SLC39A12: variants seen among roughly 807,000 people sequenced by gnomAD.
The protein encoded by SLC39A12 is solute carrier family 39 member 12.
SLC39A12 carries 63 observed loss-of-function variants against 71.1 expected under a neutral mutation model. The observed-to-expected ratio is 0.89, with a 90% CI of 0.72 to 1.09. SLC39A12 has a LOEUF of 1.09. SLC39A12 is among the 50% of genes least tolerant of loss of function. The pLI, the probability that SLC39A12 is intolerant of heterozygous loss-of-function variation, is 0.00. For synonymous variants in SLC39A12, 351 were observed against 301.3 expected (o/e 1.16, Z -1.71); for missense variants, 892 against 812.6 (o/e 1.10, Z -1.19).
intron 12 of SLC39A12, among the ~76,000 whole-genome samples, chr10:18,020,739 C>A (rs960840487): frequency 6.6e-6 from 1 of 152,078 alleles, no homozygotes; most frequent in Non-Finnish European, 1.5e-5. Flanking sequence ...AGCATTTTTT[C>A]ATATGCTTGT....
intron 6 of SLC39A12, among the ~76,000 whole-genome samples, chr10:17,987,027 C>T (rs1166756674): frequency 6.6e-6 from 1 of 152,068 alleles, no homozygotes; most frequent in Non-Finnish European, 1.5e-5. Flanking sequence ...AACAACAAAA[C>T]GCTTATTTAA....
intron 7 of SLC39A12, among the ~76,000 whole-genome samples, chr10:17,988,201 G>A (rs145203873): frequency 7.2e-5 from 11 of 152,246 alleles, no homozygotes; most frequent in African/African-American, 2.4e-4. Flanking sequence ...CTAGCTACTC[G>A]GGAGGCTGAG....
In SLC39A12 at chr10:18,042,785, G is replaced by A; in HGVS notation, c.2028G>A (p.Trp676Ter). ...AAAACTTTGGATTGATCCTAGGTTG[G>A]CTTTCTCTCCTGCTCTTGGCTATAT... ...LLQNFGLILG[W>*]LSLLLLAIYE... is the part of the protein sequence containing the mutation. Residue 676 changes from tryptophan (W) to a stop codon, truncating the protein, a stop_gained, in exon 13 of 13, where the codon TGG (tryptophan) becomes TGA (stop). Transcript: ENST00000377369. LOFTEE classifies it high-confidence loss of function. 2 of 1,612,908 alleles carry A rather than the reference G, an allele frequency of 1.2e-6. No individual in the cohort carries two copies. Among genetic ancestry groups the A allele is most frequent in the Non-Finnish European group, 1.7e-6 (2 of 1,179,534 alleles).
At position 17,978,026 on chromosome 10, in the gene SLC39A12, T is replaced by G; in HGVS notation, c.876T>G (p.Ser292=). The part of the protein sequence containing the change: ...ITHDQDYSNF[S]SSMEKESEDG... ...ATGATCAGGACTATTCTAATTTCTC[T>G]TCATCCATGGAAAAAGAGTCTGAGG... is the stretch of plus-strand genomic sequence containing the variant. Residue 292 remains serine (S), a synonymous_variant, in exon 5 of 13, where the codon TCT becomes TCG. Transcript: ENST00000377369. 6.2e-7 allele frequency: 1 copy of G among 1,604,920 alleles called. No individual in the cohort carries two copies. Among genetic ancestry groups the G allele is most frequent in the Non-Finnish European group, 8.5e-7 (1 of 1,176,732 alleles).
chr10:17,958,922 G>C (rs749930218), intron 2 of SLC39A12, among the ~76,000 whole-genome samples: 1 of 151,866 alleles, frequency 6.6e-6, no homozygotes, highest in African/African-American at 2.4e-5. Flanking sequence ...ATAATATAGG[G>C]TTCTTATTAA....
In SLC39A12 at chr10:18,043,169, C is replaced by G. The variant is rs142927279; in HGVS notation, c.*336C>G. 4.5e-4 allele frequency: 72 copies of G among 158,746 alleles called. No homozygotes were observed. The highest frequency in any genetic ancestry group is 1.7e-3 in the African/African-American group (69 of 41,710). The allele number at this position is 158,746 out of a possible 1,614,324, so 9.8% of individuals were successfully genotyped here. A position where few individuals can be genotyped will look rare whatever the true frequency, so the allele number is the denominator to read the frequency against. On this transcript the variant is annotated 3_prime_UTR_variant, in exon 13 of 13. Coordinates refer to ENST00000377369, the MANE Select transcript of SLC39A12 (RefSeq NM_001145195.2). ...GAATGTTTGTAGAATTTAAAGTGGACAGATGCCTGTTGGAGTAAAATCAAC... is the reference window on the plus strand; with the variant it reads ...GAATGTTTGTAGAATTTAAAGTGGAGAGATGCCTGTTGGAGTAAAATCAAC...
chr10:18,010,526 TACCC>T (rs1052107404), intron 12 of SLC39A12: 1 of 152,182 alleles, frequency 6.6e-6, no homozygotes, highest in African/African-American at 2.4e-5. Context: ...GAATCATTCT[TACCC>T]ACAAATTTGA....
rs751739123 is a variant in SLC39A12, at chr10:17,991,151, GT to G, written c.1272del (p.Gly426ValfsTer23). On this transcript the variant is annotated frameshift_variant and splice_region_variant, in exon 8 of 13. Coordinates refer to ENST00000377369, the MANE Select transcript of SLC39A12 (RefSeq NM_001145195.2). LOFTEE classifies it high-confidence loss of function. ...GDALLHLIPQ[V>X]LGLHKQEAPE... is the part of the protein sequence containing the mutation. ...TTTTTTTTTTTTTTTTCCCCTGAAG[GT>G]TCTTGGTTTACATAAGCAGGAAGCC... 6 of 1,496,422 alleles carry G rather than the reference GT, an allele frequency of 4.0e-6. No individual in the cohort carries two copies. Among genetic ancestry groups the G allele is most frequent in the Non-Finnish European group, 5.3e-6 (6 of 1,129,316 alleles). 92.7% of individuals were successfully genotyped at this position (1,496,422 alleles called of 1,614,324 possible). A position where few individuals can be genotyped will look rare whatever the true frequency, so the allele number is the denominator to read the frequency against.
Position 17,961,785 on chromosome 10 carries a change from T to C in SLC39A12, c.466T>C (p.Ser156Pro). ...SLLSLRQDED[S>P]SFLSQNETED... ...ACTGAGCCTCAGGCAGGATGAAGAT[T>C]CCTCTTTCCTTTCACAGAATGAGAC... Residue 156 changes from serine to proline, a missense_variant, in exon 3 of 13, where the codon TCC (serine) becomes CCC (proline). Ser to Pro is a moderately conservative substitution (Grantham distance 74). Coordinates refer to ENST00000377369, the MANE Select transcript of SLC39A12 (RefSeq NM_001145195.2). The C allele has an allele frequency of 6.2e-7, 1 of 1,614,112 alleles. No individual in the cohort carries two copies. The highest frequency in any genetic ancestry group is 8.5e-7 in the Non-Finnish European group (1 of 1,180,000).
intron 2 of SLC39A12, among the ~76,000 whole-genome samples, chr10:17,958,395 C>T (rs183742168): frequency 1.6e-4 from 24 of 152,248 alleles, no homozygotes; most frequent in East Asian, 1.2e-3. Context: ...ACTCATTCAA[C>T]GCTCTCGTTG....
At chr10:17,979,403 G>A (rs1835198135) in intron 5 of SLC39A12, among the ~76,000 whole-genome samples, 1 of 152,184 alleles carries the variant, frequency 6.6e-6, no homozygotes, top group Admixed American at 6.5e-5. Context: ...CAACAAACTG[G>A]AGAAAGATGC....
chr10:18,003,390 C>G, intron 12 of SLC39A12, 32 bp downstream of exon 12: 1 of 1,566,768 alleles, frequency 6.4e-7, no homozygotes, highest in Non-Finnish European at 8.6e-7. Context: ...TTTGATTTTT[C>G]TAAGCACTGA....
At chr10:17,992,658 C>T (rs1384933944) in intron 8 of SLC39A12, among the ~76,000 whole-genome samples, 1 of 152,024 alleles carries the variant, frequency 6.6e-6, no homozygotes, top group Non-Finnish European at 1.5e-5. Flanking sequence ...AGTTAGAAAT[C>T]CAGTGTGGTA....
intron 5 of SLC39A12, among the ~76,000 whole-genome samples, chr10:17,979,828 A>G (rs538521840): frequency 1.3e-5 from 2 of 152,280 alleles, no homozygotes; most frequent in South Asian, 2.1e-4. Context: ...AAGAGGCACC[A>G]TCTGTGGCTT....
At chr10:17,962,893 T>C (rs1834727871) in intron 3 of SLC39A12, among the ~76,000 whole-genome samples, 1 of 152,188 alleles carries the variant, frequency 6.6e-6, no homozygotes, top group East Asian at 1.9e-4. Context: ...CAGTGGCTCA[T>C]ACCTATAATC....
In SLC39A12 at chr10:17,965,636, T is replaced by C. The variant is rs768231569; in HGVS notation, c.697T>C (p.Phe233Leu). The C allele has an allele frequency of 1.1e-5, 18 of 1,614,038 alleles. No individual in the cohort carries two copies. In the African/African-American group the frequency reaches 1.7e-4, roughly 16 times the overall value. The change falls in exon 4 of 13, where the codon TTT becomes CTT. Residue 233 changes from phenylalanine (F) to leucine (L), a missense_variant. Coordinates refer to ENST00000377369, the MANE Select transcript of SLC39A12 (RefSeq NM_001145195.2). ...GQGNLPSPDY[F>L]TEYIFSSLNR... ...AGGAAACTTGCCTTCCCCAGACTAC[T>C]TTACAGAATATATTTTCAGTTCCTT... is the stretch of plus-strand genomic sequence containing the variant.
intron 12 of SLC39A12, among the ~76,000 whole-genome samples, chr10:18,028,637 T>G (rs139357175): frequency 8.9e-4 from 135 of 152,328 alleles, no homozygotes; most frequent in African/African-American, 3.1e-3. Flanking sequence ...TCTCCTAATT[T>G]CCTTCATGAG....
At chr10:18,022,006 C>T (rs1178905474) in intron 12 of SLC39A12, among the ~76,000 whole-genome samples, 1 of 152,174 alleles carries the variant, frequency 6.6e-6, no homozygotes, top group Non-Finnish European at 1.5e-5. Context: ...TGATGAGTTT[C>T]CCTTTGTAGG....
Position 18,000,775 on chromosome 10 carries a change from G to C in SLC39A12, c.1709G>C (p.Gly570Ala), listed in dbSNP as rs771696297. The C allele has an allele frequency of 2.5e-6, 4 of 1,614,040 alleles. No homozygotes were observed. Among genetic ancestry groups the C allele is most frequent in the Admixed American group, 3.3e-5 (2 of 60,006 alleles). The stretch of plus-strand genomic sequence containing the variant: ...GCCTTCTCATCATCATCCGAGTCAG[G>C]AGTGACCACTACGATTGCTATCTTG... ...GAAFSSSSES[G>A]VTTTIAILCH... Residue 570 changes from glycine to alanine, a missense_variant, in exon 11 of 13, where the codon GGA becomes GCA. Gly to Ala is a moderately conservative substitution (Grantham distance 60). Coordinates refer to ENST00000377369, the MANE Select transcript of SLC39A12 (RefSeq NM_001145195.2).
Sources: gnomAD v4.1 joint callset for allele counts (sites outside exome capture counted in the v4.1 genomes callset) on GRCh38, gnomAD v4.1.1 for gene constraint, MANE v1.5 for transcripts, NCBI Gene and HGNC (gene_info 2026-07-23, HGNC 2026-07-21) for gene names.